The following SCN2A variants were observed in gnomAD, a reference collection of about 807,000 sequenced individuals.
SCN2A encodes the protein sodium voltage-gated channel alpha subunit 2, also known as sodium channel protein type 2 subunit alpha.
In SCN2A, 20 loss-of-function variants were observed where a neutral mutation model predicts 188.7. That is an observed-to-expected ratio of 0.11 (90% CI 0.07 to 0.15). SCN2A has a LOEUF of 0.15. Ranked by LOEUF, SCN2A falls within the 10% of genes least tolerant of loss-of-function variation. SCN2A has a pLI of 1.00. For synonymous variants in SCN2A, 804 were observed against 833.1 expected (o/e 0.97, Z 0.60); for missense variants, 1,278 against 2,445.0 (o/e 0.52, Z 10.07).
At chr2:165,380,406 G>A (rs890394564) in intron 23 of SCN2A, among the ~76,000 whole-genome samples, 186 bp from the exon 24 acceptor site, 1 of 151,670 alleles carries the variant, frequency 6.6e-6, no homozygotes, top group Non-Finnish European at 1.5e-5. Flanking sequence ...ATTTTCCCAG[G>A]TAATGAATAG....
Position 165,389,516 on chromosome 2 carries a change from C to G in SCN2A, c.5710C>G (p.Gln1904Glu). 1 of 1,613,936 alleles carries G rather than the reference C, an allele frequency of 6.2e-7. No individual in the cohort carries two copies. The highest frequency in any genetic ancestry group is 2.2e-5 in the East Asian group (1 of 44,854). Residue 1904 changes from glutamine (Q) to glutamate (E), a missense_variant, in exon 27 of 27, where the codon CAA becomes GAA. This residue lies in a region of SCN2A where 109 missense variants were observed against 137.9 expected (regional missense o/e 0.79). Coordinates refer to ENST00000375437, the MANE Select transcript of SCN2A (RefSeq NM_001040142.2). The surrounding 1 kb of genome is among the most constrained non-coding windows in gnomAD (Gnocchi z 4.2). Reference protein sequence around the residue: ...EPITTTLKRKQEEVSAIIIQR... With the variant: ...EPITTTLKRKEEEVSAIIIQR... ...CATTACGACCACGTTGAAACGCAAA[C>G]AAGAGGAGGTGTCTGCTATTATTAT...
intron 19 of SCN2A, among the ~76,000 whole-genome samples, chr2:165,369,617 C>A (rs1052248674): frequency 6.6e-6 from 1 of 152,188 alleles, no homozygotes; most frequent in African/African-American, 2.4e-5. Context: ...CCCAAGGGCT[C>A]TGGAAAATTC....
intron 11 of SCN2A, among the ~76,000 whole-genome samples, chr2:165,320,870 C>G (rs11674103): frequency 0.56 from 84,644 of 152,050 alleles, 24,017 homozygotes; most frequent in Middle Eastern, 0.64. Context: ...CTGACATGCC[C>G]TGGAGACATT....
chr2:165,343,469 T>C (rs1699418139), intron 15 of SCN2A, among the ~76,000 whole-genome samples: 1 of 152,192 alleles, frequency 6.6e-6, no homozygotes, highest in African/African-American at 2.4e-5. Flanking sequence ...ACCTTCATGA[T>C]AGTGTGATGC....
intron 1 of SCN2A, among the ~76,000 whole-genome samples, chr2:165,256,978 A>G (rs1393971123): frequency 3.9e-5 from 6 of 152,142 alleles, no homozygotes; most frequent in Admixed American, 3.9e-4. Flanking sequence ...CAAAGTTAAA[A>G]CTTTTTTTTT....
chr2:165,285,218 G>T (rs891798552), intron 1 of SCN2A: 3 of 153,222 alleles, frequency 2.0e-5, no homozygotes, highest in African/African-American at 7.2e-5. Flanking sequence ...CCAGGGCTGG[G>T]TGTGGGCAGT....
At chr2:165,331,006 G>C (rs181509939) in intron 13 of SCN2A, among the ~76,000 whole-genome samples, 7 of 152,264 alleles carry the variant, frequency 4.6e-5, no homozygotes, top group Admixed American at 2.0e-4. Context: ...CCTGGAACAT[G>C]GATGAGCTTT....
At chr2:165,286,838 T>C (rs1487686402) in intron 1 of SCN2A, among the ~76,000 whole-genome samples, 1 of 152,206 alleles carries the variant, frequency 6.6e-6, no homozygotes. Flanking sequence ...TTACGCTTTT[T>C]TGGGAAATGA....
intron 20 of SCN2A, 130 bp downstream of exon 20, chr2:165,370,429 C>A: frequency 1.0e-6 from 1 of 956,510 alleles, no homozygotes; most frequent in Non-Finnish European, 1.7e-6. Flanking sequence ...TCTCATTTCA[C>A]AGTGAGAGGA....
At chr2:165,289,814 C>G (rs561136051) in intron 1 of SCN2A, among the ~76,000 whole-genome samples, 1 of 152,198 alleles carries the variant, frequency 6.6e-6, no homozygotes, top group South Asian at 2.1e-4. Flanking sequence ...TTTAAATATT[C>G]CAAGACACAC....
At chr2:165,271,356 A>G (rs1276538620) in intron 1 of SCN2A, 1 of 152,164 alleles carries the variant, frequency 6.6e-6, no homozygotes, top group Non-Finnish European at 1.5e-5. Flanking sequence ...TATGATTCAT[A>G]TCAGAGAAGC....
intron 3 of SCN2A, among the ~76,000 whole-genome samples, chr2:165,304,083 AG>A (rs1696985854): frequency 6.6e-6 from 1 of 152,252 alleles, no homozygotes; most frequent in Admixed American, 6.5e-5. Context: ...CAAAAAATGT[AG>A]AAACTTGTGT....
At chr2:165,267,077 A>G (rs538813702) in intron 1 of SCN2A, 143 of 152,208 alleles carry the variant, frequency 9.4e-4, no homozygotes, top group African/African-American at 3.4e-3. Flanking sequence ...TACCCAGAGT[A>G]CTTAAAGTGA....
At chr2:165,342,571 T>C (rs1467293938) in intron 15 of SCN2A, 102 bp downstream of exon 15, 20 of 1,259,996 alleles carry the variant, frequency 1.6e-5, no homozygotes, top group African/African-American at 7.4e-5. Flanking sequence ...TAATATTATT[T>C]GAATACACTT....
intron 12 of SCN2A, among the ~76,000 whole-genome samples, chr2:165,323,922 C>G (rs1698215291): frequency 6.6e-6 from 1 of 152,164 alleles, no homozygotes; most frequent in Admixed American, 6.5e-5. Flanking sequence ...GATACTATTA[C>G]TAAATAGATT....
At chr2:165,320,006 C>T (rs1221452923) in intron 11 of SCN2A, among the ~76,000 whole-genome samples, 3 of 152,174 alleles carry the variant, frequency 2.0e-5, no homozygotes, top group Admixed American at 6.5e-5. Context: ...CAAACAAAGC[C>T]TCATCGGAGA....
intron 1 of SCN2A, among the ~76,000 whole-genome samples, chr2:165,254,160 A>T (rs1051687857): frequency 6.6e-6 from 1 of 151,766 alleles, no homozygotes; most frequent in Non-Finnish European, 1.5e-5. Flanking sequence ...ATTTATTATA[A>T]TTTATAAATA....
intron 19 of SCN2A, among the ~76,000 whole-genome samples, chr2:165,369,537 T>A (rs1432377916): frequency 6.6e-6 from 1 of 152,142 alleles, no homozygotes; most frequent in Non-Finnish European, 1.5e-5. Context: ...GATAAGAAGA[T>A]CAAGTTAGAT....
rs111769862 is a variant in SCN2A, at chr2:165,341,957, C to CA, written c.2389-338dup. ...CATTTGGCTTGGTGATGGAAGCCCG[C>CA]ACTGCTAGGTAATCATTTGGTAAGT... On this transcript the variant is annotated intron_variant, in intron 14 of 26. Coordinates refer to ENST00000375437, the MANE Select transcript of SCN2A (RefSeq NM_001040142.2). Among the ~76,000 whole-genome samples, 332 of 152,222 alleles carry CA rather than the reference C, an allele frequency of 2.2e-3. 1 individual carries two copies. Among genetic ancestry groups the CA allele is most frequent in the African/African-American group, 7.3e-3 (305 of 41,524 alleles).
Sources: allele counts gnomAD v4.1 joint callset (sites outside exome capture counted in the v4.1 genomes callset), GRCh38; gene constraint gnomAD v4.1.1; regional missense constraint gnomAD v4.1.1; non-coding constraint Gnocchi (gnomAD v3.1); transcripts MANE v1.5; gene names NCBI Gene and HGNC (gene_info 2026-07-23, HGNC 2026-07-21).